RGS7: variants seen among roughly 807,000 people sequenced by gnomAD.
The protein encoded by RGS7 is regulator of G-protein signaling 7.
A neutral mutation model predicts 81.1 loss-of-function variants in RGS7; 27 were observed. That is an observed-to-expected ratio of 0.33 (90% CI 0.25 to 0.46). The LOEUF (loss-of-function observed/expected upper bound fraction) is 0.46, where lower values mean the gene tolerates loss of function less well. RGS7 is among the 20% of genes least tolerant of loss of function. The pLI is 1.00. For synonymous variants in RGS7, 208 were observed against 207.7 expected, an observed-to-expected ratio of 1.00 and a Z score of -0.01; for missense variants, 396 against 607.4, an observed-to-expected ratio of 0.65 and a Z score of 3.66.
intron 3 of RGS7, among the ~76,000 whole-genome samples, chr1:241,047,048 T>C (rs1307843622): frequency 2.0e-5 from 3 of 152,156 alleles, no homozygotes; most frequent in African/African-American, 7.2e-5. Context: ...GAGATCAGTC[T>C]CAGATCTATC....
intron 2 of RGS7, among the ~76,000 whole-genome samples, chr1:241,146,027 T>A (rs557098388): frequency 6.6e-6 from 1 of 152,144 alleles, no homozygotes; most frequent in South Asian, 2.1e-4. Context: ...TTTTTATCTC[T>A]TGGCTGAAGG....
chr1:241,121,353 C>T (rs1008247591), intron 2 of RGS7, among the ~76,000 whole-genome samples: 1 of 152,158 alleles, frequency 6.6e-6, no homozygotes. Context: ...AGGTTTAGTG[C>T]AATACACCTG....
chr1:241,023,127 G>A (rs10802922), intron 3 of RGS7, among the ~76,000 whole-genome samples: 3 of 55,462 alleles, frequency 5.4e-5, no homozygotes, highest in Non-Finnish European at 8.3e-5. Context: ...ATTTACAATC[G>A]TGTAAAATAA....
chr1:241,114,189 A>G (rs905578927), intron 2 of RGS7, among the ~76,000 whole-genome samples: 3 of 152,160 alleles, frequency 2.0e-5, no homozygotes, highest in African/African-American at 7.2e-5. Flanking sequence ...GGCAATGACA[A>G]CCAGCTTCCC....
intron 9 of RGS7, among the ~76,000 whole-genome samples, chr1:240,836,622 A>C (rs979748825): frequency 6.6e-6 from 1 of 152,224 alleles, no homozygotes; most frequent in African/African-American, 2.4e-5. Flanking sequence ...TTTACATACA[A>C]TGTTTGTATT....
At chr1:241,277,007 T>C (rs1236822177) in intron 2 of RGS7, among the ~76,000 whole-genome samples, 1 of 152,224 alleles carries the variant, frequency 6.6e-6, no homozygotes, top group Admixed American at 6.5e-5. Context: ...GCTTTTAAAA[T>C]GCATCCTAAG....
At chr1:241,057,819 A>AC (rs1173736920) in intron 3 of RGS7, among the ~76,000 whole-genome samples, 1 of 152,176 alleles carries the variant, frequency 6.6e-6, no homozygotes, top group Non-Finnish European at 1.5e-5. Context: ...CCGGGATCAC[A>AC]CCGCTGCACT....
At chr1:240,923,961 T>C (rs1050325832) in intron 6 of RGS7, among the ~76,000 whole-genome samples, 1 of 152,156 alleles carries the variant, frequency 6.6e-6, no homozygotes, top group Admixed American at 6.6e-5. Context: ...TAAAGTCATA[T>C]AGGCTATTAA....
At chr1:241,190,065 T>C (rs190328159) in intron 2 of RGS7, among the ~76,000 whole-genome samples, 2 of 151,918 alleles carry the variant, frequency 1.3e-5, no homozygotes, top group South Asian at 2.1e-4. Flanking sequence ...ATGGCGCCAC[T>C]GCACTCCAGC....
chr1:241,131,539 T>TA (rs2067102149), intron 2 of RGS7, among the ~76,000 whole-genome samples: 1 of 152,124 alleles, frequency 6.6e-6, no homozygotes, highest in African/African-American at 2.4e-5. Flanking sequence ...AGAAGACTGG[T>TA]AAAAATTGGT....
intron 4 of RGS7, among the ~76,000 whole-genome samples, chr1:240,939,562 C>T (rs191941165): frequency 1.7e-4 from 26 of 152,170 alleles, no homozygotes; most frequent in Admixed American, 1.4e-3. Flanking sequence ...CCTAAGTACC[C>T]CTGTGGACGA....
chr1:240,875,559 T>C (rs1665262422), intron 6 of RGS7, among the ~76,000 whole-genome samples: 1 of 152,340 alleles, frequency 6.6e-6, no homozygotes, highest in South Asian at 2.1e-4. Flanking sequence ...AGAATTGGAA[T>C]TGCTGGATCC....
chr1:240,893,404 G>A (rs1011414190), intron 6 of RGS7, among the ~76,000 whole-genome samples: 7 of 152,202 alleles, frequency 4.6e-5, no homozygotes, highest in South Asian at 2.1e-4. Context: ...GTAAGAGCTC[G>A]TCAGGAGTTA....
At chr1:241,247,663 G>C (rs190494930) in intron 2 of RGS7, among the ~76,000 whole-genome samples, 2 of 151,676 alleles carry the variant, frequency 1.3e-5, no homozygotes, top group East Asian at 1.9e-4. Flanking sequence ...GATTTAACTA[G>C]AATAACCTGG....
chr1:240,997,484 A>G lies in RGS7; in HGVS notation c.176-14355T>C, dbSNP rs368238628. Among the ~76,000 whole-genome samples the G allele has an allele frequency of 1.2e-4, 19 of 152,242 alleles. 2 individuals carry two copies. Among genetic ancestry groups the G allele is most frequent in the Admixed American group, 3.9e-4 (6 of 15,284 alleles). On this transcript the variant is annotated intron_variant, in intron 3 of 18. Coordinates refer to ENST00000440928, the MANE Select transcript of RGS7 (RefSeq NM_001364886.1). ...AATTCCTCTATGTACATTTAGAATCATATCAGACGTTGTTACATTTTTTTC... is the reference window on the plus strand; with the variant it reads ...AATTCCTCTATGTACATTTAGAATCGTATCAGACGTTGTTACATTTTTTTC...
chr1:240,792,413 T>C (rs1361927333), intron 18 of RGS7, among the ~76,000 whole-genome samples: 2 of 151,420 alleles, frequency 1.3e-5, no homozygotes, highest in Non-Finnish European at 3.0e-5. Context: ...GTGTAGATGA[T>C]GATGGCCCAC....
At chr1:240,884,094 A>C (rs1002384700) in intron 6 of RGS7, among the ~76,000 whole-genome samples, 2 of 150,258 alleles carry the variant, frequency 1.3e-5, no homozygotes, top group Non-Finnish European at 3.0e-5. Flanking sequence ...AAAAAAAAAA[A>C]AAAAAAAAAA....
chr1:240,997,501 A>G (rs759911291), intron 3 of RGS7, among the ~76,000 whole-genome samples: 1 of 152,064 alleles, frequency 6.6e-6, no homozygotes, highest in African/African-American at 2.4e-5. Flanking sequence ...ACGTTGTTAC[A>G]TTTTTTTCTT....
At chr1:241,129,061 T>C (rs555477664) in intron 2 of RGS7, among the ~76,000 whole-genome samples, 6 of 152,148 alleles carry the variant, frequency 3.9e-5, no homozygotes, top group African/African-American at 7.2e-5. Context: ...CTTTAGATAA[T>C]TTCTCCAAAT....
Sources: gnomAD v4.1 joint callset for allele counts (sites outside exome capture counted in the v4.1 genomes callset) on GRCh38, gnomAD v4.1.1 for gene constraint, MANE v1.5 for transcripts, NCBI Gene and HGNC (gene_info 2026-07-23, HGNC 2026-07-21) for gene names.